LIN7A: variants seen among roughly 807,000 people sequenced by gnomAD.
The protein encoded by LIN7A is protein lin-7 homolog A.
A neutral mutation model predicts 29.8 loss-of-function variants in LIN7A; 25 were observed. The ratio of observed to expected loss-of-function variants is 0.84; its 90% CI spans 0.61 to 1.17. LIN7A has a LOEUF of 1.17. LIN7A is among the 50% of genes most tolerant of loss of function. LIN7A has a pLI of 0.00. For missense variants in LIN7A, 239 were observed against 287.0 expected (o/e 0.83, Z 1.21); for synonymous variants, 118 against 107.5 (o/e 1.10, Z -0.60).
rs897674182 is a variant in LIN7A, at chr12:80,796,556, T to G, written c.*1171A>C. The G allele has an allele frequency of 6.6e-6, 1 of 152,072 alleles. No homozygotes were observed. Among genetic ancestry groups the G allele is most frequent in the African/African-American group, 2.4e-5 (1 of 41,386 alleles). 9.4% of individuals were successfully genotyped at this position (152,072 alleles called of 1,614,324 possible). A position where few individuals can be genotyped will look rare whatever the true frequency, so the allele number is the denominator to read the frequency against. On this transcript the variant is annotated 3_prime_UTR_variant, in exon 6 of 6. Coordinates refer to ENST00000552864, the MANE Select transcript of LIN7A (RefSeq NM_004664.4). ...TTTTATTTTTCTAGAGGAAGCAGCA[T>G]CTGCCATTCACAATATTGATATCAC...
At chr12:80,883,980 A>G (rs1157000608) in intron 2 of LIN7A, among the ~76,000 whole-genome samples, 1 of 152,158 alleles carries the variant, frequency 6.6e-6, no homozygotes, top group Admixed American at 6.6e-5. Flanking sequence ...ATAAACTCCA[A>G]ATAGTTCTCC....
chr12:80,910,752 C>T (rs1489903902), intron 1 of LIN7A, among the ~76,000 whole-genome samples: 1 of 152,026 alleles, frequency 6.6e-6, no homozygotes, highest in Non-Finnish European at 1.5e-5. Context: ...TATGTGTATC[C>T]TTTTTGTGTA....
intron 3 of LIN7A, 51 bp downstream of exon 3, chr12:80,848,200 A>G (rs1873165607): frequency 2.3e-6 from 3 of 1,320,280 alleles, no homozygotes; most frequent in Non-Finnish European, 3.3e-6. Flanking sequence ...CGCACAATCA[A>G]TTACTAGATA....
chr12:80,866,112 T>C (rs1364401517), intron 2 of LIN7A, among the ~76,000 whole-genome samples: 1 of 152,142 alleles, frequency 6.6e-6, no homozygotes, highest in East Asian at 1.9e-4. Context: ...TATAATAGAA[T>C]CTAATATTTG....
At chr12:80,844,653 G>A (rs1387233072) in intron 4 of LIN7A, among the ~76,000 whole-genome samples, 1 of 152,058 alleles carries the variant, frequency 6.6e-6, no homozygotes, top group Non-Finnish European at 1.5e-5. Context: ...TGAAATGTAT[G>A]CTTTTAGGTA....
intron 4 of LIN7A, among the ~76,000 whole-genome samples, chr12:80,842,599 A>G (rs894535720): frequency 6.6e-6 from 1 of 150,788 alleles, no homozygotes; most frequent in Non-Finnish European, 1.5e-5. Flanking sequence ...TCATTTGCTA[A>G]TCTTTTCTTT....
At position 80,811,462 on chromosome 12, in the gene LIN7A, C is replaced by A; in HGVS notation, c.*3G>T. 8.4e-7 allele frequency: 1 copy of A among 1,196,446 alleles called. No individual in the cohort carries two copies. The highest frequency in any genetic ancestry group is 1.3e-5 in the South Asian group (1 of 78,046). 74.1% of individuals were successfully genotyped at this position (1,196,446 alleles called of 1,614,324 possible). A position where few individuals can be genotyped will look rare whatever the true frequency, so the allele number is the denominator to read the frequency against. On this transcript the variant is annotated splice_donor_region_variant and intron_variant, in intron 5 of 5. Transcript: ENST00000552864. Reference sequence around the variant, plus strand: ...TCCTTGTATAGAATAAGTCACTTCTCACCTATGACATGTGGTTTTGTTGTG... The same window carrying A: ...TCCTTGTATAGAATAAGTCACTTCTAACCTATGACATGTGGTTTTGTTGTG...
rs576983143 is a variant in LIN7A at position 80,925,699 on chromosome 12, G to A, written c.82+11942C>T. On this transcript the variant is annotated intron_variant, in intron 1 of 5. Coordinates refer to ENST00000552864, the MANE Select transcript of LIN7A (RefSeq NM_004664.4). Reference sequence around the variant, plus strand: ...AAAAGCCGTGATTCAAACCCAGGTAGGATGGGCTCTGGAGTGTATGTTTTT... The same window carrying A: ...AAAAGCCGTGATTCAAACCCAGGTAAGATGGGCTCTGGAGTGTATGTTTTT... Among the ~76,000 whole-genome samples the A allele has an allele frequency of 1.2e-3, 176 of 152,280 alleles. 3 individuals carry two copies. In the South Asian group the frequency reaches 0.035, roughly 30 times the overall value.
chr12:80,812,774 C>T (rs1201971357), intron 4 of LIN7A, among the ~76,000 whole-genome samples: 1 of 152,120 alleles, frequency 6.6e-6, no homozygotes, highest in Admixed American at 6.5e-5. Context: ...TGGTCTTGAA[C>T]TCCTGACCTC....
chr12:80,887,412 T>A (rs1232591362), intron 2 of LIN7A, among the ~76,000 whole-genome samples: 1 of 152,156 alleles, frequency 6.6e-6, no homozygotes, highest in African/African-American at 2.4e-5. Context: ...CTTCCTACCA[T>A]GCTTAGAAGG....
intron 2 of LIN7A, among the ~76,000 whole-genome samples, chr12:80,854,174 C>A (rs1873475150): frequency 6.6e-6 from 1 of 152,094 alleles, no homozygotes; most frequent in South Asian, 2.1e-4. Context: ...ATACTTATAG[C>A]AACTTTATTC....
intron 4 of LIN7A, among the ~76,000 whole-genome samples, chr12:80,823,274 A>T (rs1357957901): frequency 1.3e-5 from 2 of 152,168 alleles, no homozygotes; most frequent in East Asian, 3.9e-4. Context: ...TGAGAAGGAG[A>T]GAGGAGCTAC....
At chr12:80,804,207 C>T (rs1282850213) in intron 5 of LIN7A, among the ~76,000 whole-genome samples, 2 of 152,032 alleles carry the variant, frequency 1.3e-5, no homozygotes, top group African/African-American at 2.4e-5. Flanking sequence ...AGTATTTATC[C>T]TTTGTGTTAC....
chr12:80,898,213 A>G (rs1467856781), intron 1 of LIN7A, among the ~76,000 whole-genome samples: 1 of 152,220 alleles, frequency 6.6e-6, no homozygotes, highest in East Asian at 1.9e-4. Context: ...TAACAGCACC[A>G]TTTATTGAAT....
chr12:80,916,626 A>G (rs1266988899), intron 1 of LIN7A, among the ~76,000 whole-genome samples: 2 of 152,084 alleles, frequency 1.3e-5, no homozygotes, highest in African/African-American at 4.8e-5. Flanking sequence ...CCTAGAAGAG[A>G]GGTTGAAATA....
intron 2 of LIN7A, among the ~76,000 whole-genome samples, chr12:80,872,380 A>C (rs1405927197): frequency 6.6e-6 from 1 of 152,170 alleles, no homozygotes; most frequent in African/African-American, 2.4e-5. Context: ...ACTATTGTTT[A>C]AATAATTGCT....
chr12:80,807,080 T>TTTTTGTTGTTG (rs1871059441), intron 5 of LIN7A, among the ~76,000 whole-genome samples: 1 of 134,686 alleles, frequency 7.4e-6, no homozygotes, highest in Admixed American at 7.5e-5. Context: ...TTTTTTTTTT[T>TTTTTGTTGTTG]TTTTTTTTTT....
At chr12:80,805,867 G>T (rs1424241867) in intron 5 of LIN7A, among the ~76,000 whole-genome samples, 1 of 151,640 alleles carries the variant, frequency 6.6e-6, no homozygotes, top group Non-Finnish European at 1.5e-5. Context: ...GGTTTATCAG[G>T]GGTTTCTGCT....
intron 1 of LIN7A, among the ~76,000 whole-genome samples, chr12:80,893,714 C>T (rs1012861160): frequency 2.0e-5 from 3 of 152,208 alleles, no homozygotes; most frequent in African/African-American, 4.8e-5. Flanking sequence ...GGGAGGCTAG[C>T]ATCTCTTTCC....
Sources: gnomAD v4.1 joint callset for allele counts (sites outside exome capture counted in the v4.1 genomes callset) on GRCh38, gnomAD v4.1.1 for gene constraint, MANE v1.5 for transcripts, NCBI Gene and HGNC (gene_info 2026-07-23, HGNC 2026-07-21) for gene names.